The following ABCA13 variants were observed in gnomAD, a reference collection of about 807,000 sequenced individuals.
The protein encoded by ABCA13 is ATP binding cassette subfamily A member 13, also known as ATP-binding cassette sub-family A member 13.
In ABCA13, 476 loss-of-function variants were observed where a neutral mutation model predicts 478.7. The ratio of observed to expected loss-of-function variants is 0.99; its 90% CI spans 0.92 to 1.07. The LOEUF (loss-of-function observed/expected upper bound fraction) is 1.07. ABCA13 is among the 50% of genes least tolerant of loss of function. The pLI is 0.00. For missense variants in ABCA13, 6,060 were observed against 5,910.6 expected (o/e 1.03, Z -0.83); for synonymous variants, 2,252 against 2,158.9 (o/e 1.04, Z -1.20).
chr7:48,353,581 G>A (rs1232365907), intron 31 of ABCA13, among the ~76,000 whole-genome samples: 1 of 151,508 alleles, frequency 6.6e-6, no homozygotes, highest in Non-Finnish European at 1.5e-5. Context: ...CCAAGCAGAA[G>A]TCAGGACTGC....
intron 23 of ABCA13, among the ~76,000 whole-genome samples, chr7:48,303,113 C>T (rs1800389740): frequency 6.6e-6 from 1 of 151,972 alleles, no homozygotes; most frequent in African/African-American, 2.4e-5. Context: ...TTTTCATATG[C>T]TTGTTGGCTG....
chr7:48,473,780 T>A lies in ABCA13; in HGVS notation c.12975+2181T>A, dbSNP rs551623972. On this transcript the variant is annotated intron_variant, in intron 45 of 61. Transcript: ENST00000435803. ...CTGGGCCTGATTATTTAAAGGGAGC[T>A]CACATTCCTCAGATAAAAAGTTTTT... is the stretch of plus-strand genomic sequence containing the variant. Among the ~76,000 whole-genome samples, 3 of 152,324 alleles carry A rather than the reference T, an allele frequency of 2.0e-5. No homozygotes were observed. In the East Asian group the frequency reaches 5.8e-4, roughly 29 times the overall value.
intron 59 of ABCA13, among the ~76,000 whole-genome samples, chr7:48,629,053 A>G (rs1167571400): frequency 2.0e-5 from 3 of 152,214 alleles, no homozygotes; most frequent in African/African-American, 7.2e-5. Flanking sequence ...TGCATTATTC[A>G]TGACTAGTTT....
chr7:48,614,587 T>C (rs936525825), intron 58 of ABCA13, among the ~76,000 whole-genome samples: 7 of 150,938 alleles, frequency 4.6e-5, no homozygotes, highest in African/African-American at 1.7e-4. Flanking sequence ...CATGCACACG[T>C]ATGTTTATTG....
intron 58 of ABCA13, among the ~76,000 whole-genome samples, chr7:48,609,181 T>G (rs1791773406): frequency 6.6e-6 from 1 of 152,166 alleles, no homozygotes; most frequent in African/African-American, 2.4e-5. Context: ...GTTCTAAGAT[T>G]GGATAAACTG....
At chr7:48,549,682 C>T (rs563280375) in intron 55 of ABCA13, among the ~76,000 whole-genome samples, 1 of 152,004 alleles carries the variant, frequency 6.6e-6, no homozygotes, top group Admixed American at 6.6e-5. Context: ...TTCCCACAAA[C>T]AGTATAAAAG....
In ABCA13 at chr7:48,313,238, G is replaced by C. The variant is rs759994045; in HGVS notation, c.9681+7G>C. On this transcript the variant is annotated splice_region_variant and intron_variant, in intron 25 of 61. Coordinates refer to ENST00000435803, the MANE Select transcript of ABCA13 (RefSeq NM_152701.5). Reference sequence around the variant, plus strand: ...AACCCTGGACTTTCAACAGGTGTGTGTTTCATCTTTGTCCCTAGGGAAATA... The same window carrying C: ...AACCCTGGACTTTCAACAGGTGTGTCTTTCATCTTTGTCCCTAGGGAAATA... 1 of 1,603,512 alleles carries C rather than the reference G, an allele frequency of 6.2e-7. No homozygotes were observed.
At chr7:48,193,439 ATGC>A (rs1480216878) in intron 2 of ABCA13, among the ~76,000 whole-genome samples, 1 of 151,986 alleles carries the variant, frequency 6.6e-6, no homozygotes, top group African/African-American at 2.4e-5. Context: ...GAAAATAATG[ATGC>A]TGATGATATG....
intron 8 of ABCA13, among the ~76,000 whole-genome samples, chr7:48,237,854 A>G (rs1211835431): frequency 6.6e-6 from 1 of 152,232 alleles, no homozygotes; most frequent in Non-Finnish European, 1.5e-5. Flanking sequence ...ATGGCTGCAT[A>G]TCTGCCTCTC....
Position 48,352,482 on chromosome 7 carries a change from C to A in ABCA13, c.10683C>A (p.Ser3561Arg), listed in dbSNP as rs368428844. The change falls in exon 31 of 62, where the codon AGC (serine) becomes AGA (arginine). Residue 3561 changes from serine to arginine, a missense_variant. Transcript: ENST00000435803. ...TQAAPYPCHT[S>R]DLFLNNVGFF... is the part of the protein sequence containing the mutation. ...CGGCCCCTTACCCCTGCCATACCAGCGACCTGTGAGTAGCCTGGGGCAGGA... is the reference window on the plus strand; with the variant it reads ...CGGCCCCTTACCCCTGCCATACCAGAGACCTGTGAGTAGCCTGGGGCAGGA... 9 of 1,600,362 alleles carry A rather than the reference C, an allele frequency of 5.6e-6. No individual in the cohort carries two copies. In the Admixed American group the frequency reaches 1.4e-4, roughly 24 times the overall value.
chr7:48,312,727 A>G (rs185383374), intron 24 of ABCA13, among the ~76,000 whole-genome samples: 2 of 152,310 alleles, frequency 1.3e-5, no homozygotes, highest in East Asian at 3.9e-4. Context: ...TGCTTCACAT[A>G]TAAGGACTGC....
intron 20 of ABCA13, among the ~76,000 whole-genome samples, chr7:48,290,141 C>T (rs1403533100): frequency 2.6e-5 from 4 of 152,214 alleles, no homozygotes; most frequent in African/African-American, 9.7e-5. Context: ...TTACCCTCTT[C>T]CACCCTTTGT....
At position 48,317,200 on chromosome 7, in the gene ABCA13, A is replaced by G; in HGVS notation, c.9903A>G (p.Pro3301=). 6.2e-7 allele frequency: 1 copy of G among 1,613,378 alleles called. No individual in the cohort carries two copies. Among genetic ancestry groups the G allele is most frequent in the Middle Eastern group, 1.7e-4 (1 of 6,058 alleles). The change falls in exon 27 of 62, where the codon CCA becomes CCG. Residue 3301 remains proline (P), a synonymous_variant. Coordinates refer to ENST00000435803, the MANE Select transcript of ABCA13 (RefSeq NM_152701.5). ...LKLYQEILQL[P]NGALVWTFLK... is the part of the protein sequence containing the mutation. The stretch of plus-strand genomic sequence containing the variant: ...TTTATCAGGAAATTCTACAATTGCC[A>G]AATGGTGCTTTGGTGTGGACCTTCC...
chr7:48,400,584 A>G (rs1044572481), intron 38 of ABCA13, among the ~76,000 whole-genome samples: 12 of 152,248 alleles, frequency 7.9e-5, no homozygotes, highest in African/African-American at 2.9e-4. Flanking sequence ...ATTAAAAAAA[A>G]TTCAACAGAT....
chr7:48,604,794 G>A (rs775245639), intron 58 of ABCA13, among the ~76,000 whole-genome samples: 6 of 152,244 alleles, frequency 3.9e-5, no homozygotes, highest in Non-Finnish European at 8.8e-5. Flanking sequence ...TTAATTTTCT[G>A]TCTCAGTGAT....
intron 29 of ABCA13, among the ~76,000 whole-genome samples, chr7:48,341,863 A>ATATATATATCTTTCTGAT (rs2128959480): frequency 1.4e-5 from 2 of 141,790 alleles, no homozygotes; most frequent in African/African-American, 5.1e-5. Context: ...TCTGATATAT[A>ATATATATATCTTTCTGAT]TATATATATC....
In ABCA13 at chr7:48,235,106, G is replaced by T. The variant is rs114330591; in HGVS notation, c.897+955G>T. Among the ~76,000 whole-genome samples the T allele has an allele frequency of 6.3e-3, 954 of 152,190 alleles. 13 individuals carry two copies. Among genetic ancestry groups the T allele is most frequent in the African/African-American group, 0.022 (909 of 41,546 alleles). ...GTTGCAGCCAGCAGACCCTCATGCT[G>T]GCTTGGTGTTTGAAAACCCAGTTCT... On this transcript the variant is annotated intron_variant, in intron 8 of 61. Coordinates refer to ENST00000435803, the MANE Select transcript of ABCA13 (RefSeq NM_152701.5).
At chr7:48,234,260 A>C (rs1426151276) in intron 8 of ABCA13, 109 bp downstream of exon 8, 34 of 1,527,028 alleles carry the variant, frequency 2.2e-5, no homozygotes, top group Non-Finnish European at 3.0e-5. Flanking sequence ...GCAGCCAGAC[A>C]GGAGAGTTCG....
At chr7:48,431,387 C>CAACAAA (rs1242464230) in intron 42 of ABCA13, among the ~76,000 whole-genome samples, 1 of 142,514 alleles carries the variant, frequency 7.0e-6, no homozygotes, top group Non-Finnish European at 1.6e-5. Context: ...ACAACAACAA[C>CAACAAA]AAATCTCTTT....
Sources: gnomAD v4.1 joint callset for allele counts (sites outside exome capture counted in the v4.1 genomes callset) on GRCh38, gnomAD v4.1.1 for gene constraint, MANE v1.5 for transcripts, NCBI Gene and HGNC (gene_info 2026-07-23, HGNC 2026-07-21) for gene names.